Variants in SCHIP1 observed in about 807,000 individuals in gnomAD.
The protein encoded by SCHIP1 is schwannomin-interacting protein 1.
A neutral mutation model predicts 29.7 loss-of-function variants in SCHIP1; 8 were observed. The ratio of observed to expected loss-of-function variants is 0.27; its 90% confidence interval spans 0.16 to 0.49. The LOEUF (loss-of-function observed/expected upper bound fraction) is 0.49, where lower values mean the gene tolerates loss of function less well. Ranked by LOEUF, SCHIP1 falls within the 20% of genes least tolerant of loss-of-function variation. SCHIP1 has a pLI of 0.99. For synonymous variants in SCHIP1, 76 were observed against 94.9 expected (o/e 0.80, Z 1.16); for missense variants, 193 against 294.6 (o/e 0.66, Z 2.52).
the SCHIP1 span, among the ~76,000 whole-genome samples, chr3:159,313,869 T>G: frequency 6.6e-6 from 1 of 152,156 alleles, no homozygotes; most frequent in Non-Finnish European, 1.5e-5. Flanking sequence ...TATCAGGTAT[T>G]TTGTAGAATG....
At chr3:159,445,726 G>A in the SCHIP1 span, among the ~76,000 whole-genome samples, 1 of 152,022 alleles carries the variant, frequency 6.6e-6, no homozygotes, top group Non-Finnish European at 1.5e-5. Flanking sequence ...TGTCTTTGTA[G>A]GGACATGGAT....
the SCHIP1 span, among the ~76,000 whole-genome samples, chr3:159,541,787 T>C: frequency 6.6e-6 from 1 of 152,126 alleles, no homozygotes; most frequent in Non-Finnish European, 1.5e-5. Context: ...AAATAGTCCA[T>C]GCAGTTTGCC....
the SCHIP1 span, among the ~76,000 whole-genome samples, chr3:159,555,526 G>A: frequency 2.0e-5 from 3 of 152,158 alleles, no homozygotes; most frequent in Admixed American, 6.5e-5. Flanking sequence ...ATTATATTGG[G>A]TAATTTGTAA....
chr3:159,704,565 T>A, the SCHIP1 span, among the ~76,000 whole-genome samples: 1 of 152,132 alleles, frequency 6.6e-6, no homozygotes, highest in African/African-American at 2.4e-5. Flanking sequence ...GCAAACATCC[T>A]GGCATCTAGC....
At chr3:159,650,486 A>T in the SCHIP1 span, among the ~76,000 whole-genome samples, 1 of 152,186 alleles carries the variant, frequency 6.6e-6, no homozygotes, top group Non-Finnish European at 1.5e-5. Flanking sequence ...GTCACCTGAT[A>T]CACCTGTGGT....
the SCHIP1 span, among the ~76,000 whole-genome samples, chr3:159,750,295 A>ACG: frequency 5.5e-3 from 804 of 145,332 alleles, 16 homozygotes; most frequent in African/African-American, 0.021. Context: ...ATATATATAT[A>ACG]TACACACACA....
chr3:159,824,882 C>G, the SCHIP1 span, among the ~76,000 whole-genome samples: 96 of 152,278 alleles, frequency 6.3e-4, no homozygotes, highest in African/African-American at 2.3e-3. Context: ...AACAAATATG[C>G]TCTTTTTTTC....
chr3:159,427,251 A>T, the SCHIP1 span, among the ~76,000 whole-genome samples: 1 of 151,094 alleles, frequency 6.6e-6, no homozygotes, highest in African/African-American at 2.4e-5. Flanking sequence ...GAAAAGAGGA[A>T]GTCAAATTGT....
the SCHIP1 span, among the ~76,000 whole-genome samples, chr3:159,669,014 A>G: frequency 6.6e-6 from 1 of 152,172 alleles, no homozygotes; most frequent in Non-Finnish European, 1.5e-5. Context: ...CTCCCAGAGT[A>G]GGTTCTACAA....
At chr3:159,742,219 C>T in the SCHIP1 span, among the ~76,000 whole-genome samples, 55 of 151,956 alleles carry the variant, frequency 3.6e-4, no homozygotes, top group African/African-American at 1.3e-3. Flanking sequence ...AGTGAGACTC[C>T]GTCTCAAAAA....
chr3:159,317,963 G>T, the SCHIP1 span, among the ~76,000 whole-genome samples: 2 of 152,152 alleles, frequency 1.3e-5, no homozygotes, highest in Non-Finnish European at 2.9e-5. Flanking sequence ...CCCAGGAATG[G>T]TGCCATATCG....
chr3:159,837,887 T>A (rs1430565280), upstream of SCHIP1, among the ~76,000 whole-genome samples: 1 of 152,174 alleles, frequency 6.6e-6, no homozygotes, highest in African/African-American at 2.4e-5. Flanking sequence ...CTTGACTCAT[T>A]CCCTACCCCC....
chr3:159,442,240 C>T, the SCHIP1 span, among the ~76,000 whole-genome samples: 1 of 152,192 alleles, frequency 6.6e-6, no homozygotes, highest in East Asian at 1.9e-4. Flanking sequence ...ATACTGGGAG[C>T]TTACAAAGTC....
chr3:159,426,910 A>G, the SCHIP1 span, among the ~76,000 whole-genome samples: 1 of 152,242 alleles, frequency 6.6e-6, no homozygotes, highest in South Asian at 2.1e-4. Context: ...AATCCAGCAT[A>G]TAAACAGAAC....
chr3:159,340,335 T>C, the SCHIP1 span, among the ~76,000 whole-genome samples: 1 of 151,984 alleles, frequency 6.6e-6, no homozygotes, highest in East Asian at 1.9e-4. Flanking sequence ...CATTAAATGA[T>C]GCAATTCCAA....
the SCHIP1 span, among the ~76,000 whole-genome samples, chr3:159,611,699 G>A: frequency 6.6e-6 from 1 of 152,096 alleles, no homozygotes; most frequent in Non-Finnish European, 1.5e-5. Context: ...CAAAAAAAGA[G>A]CTCTGCCATT....
the SCHIP1 span, among the ~76,000 whole-genome samples, chr3:159,634,651 T>A: frequency 6.6e-6 from 1 of 152,214 alleles, no homozygotes; most frequent in Non-Finnish European, 1.5e-5. Flanking sequence ...GCCCCTGCAC[T>A]GTGTGTGGCT....
chr3:159,762,753 A>G, the SCHIP1 span, among the ~76,000 whole-genome samples: 1 of 152,202 alleles, frequency 6.6e-6, no homozygotes, highest in South Asian at 2.1e-4. Flanking sequence ...TTTTCATTTA[A>G]TAGAACCTTC....
At chr3:159,501,344 C>T in the SCHIP1 span, among the ~76,000 whole-genome samples, 1 of 152,304 alleles carries the variant, frequency 6.6e-6, no homozygotes, top group East Asian at 1.9e-4. Context: ...TGTAGCTTCA[C>T]TAATTTAGTG....
Sources: allele counts gnomAD v4.1 joint callset (sites outside exome capture counted in the v4.1 genomes callset), GRCh38; gene constraint gnomAD v4.1.1; transcripts MANE v1.5; gene names NCBI Gene and HGNC (gene_info 2026-07-23, HGNC 2026-07-21).